TWNK: variants seen among roughly 807,000 people sequenced by gnomAD.
TWNK encodes twinkle mtDNA helicase, also known as T7 gp4-like protein with intramitochondrial nucleoid localization.
A neutral mutation model predicts 58.2 loss-of-function variants in TWNK; 36 were observed. The observed-to-expected ratio is 0.62, with a 90% CI of 0.47 to 0.82. The LOEUF is 0.82. Ranked by LOEUF, TWNK falls within the 40% of genes least tolerant of loss-of-function variation. The pLI is 0.00. For missense variants in TWNK, 714 were observed against 881.0 expected (o/e 0.81, Z 2.40); for synonymous variants, 349 against 348.5 (o/e 1.00, Z -0.02).
In TWNK at chr10:100,993,503, CAA is replaced by C; in HGVS notation, c.2050_2051del (p.Lys684ValfsTer11). On this transcript the variant is annotated frameshift_variant, in exon 5 of 5. Transcript: ENST00000311916. LOFTEE classifies it high-confidence loss of function. ...GACCAGCCAGACACCTCCAAGCGTT[CAA>C]AGTGAAGGCCGTGCAGAGCTGGTCA... 17 of 1,614,124 alleles carry C rather than the reference CAA, an allele frequency of 1.1e-5. No individual in the cohort carries two copies. Among genetic ancestry groups the C allele is most frequent in the Non-Finnish European group, 1.4e-5 (17 of 1,180,024 alleles).
At chr10:100,992,999 G>T (rs1484815828) in intron 4 of TWNK, among the ~76,000 whole-genome samples, 191 bp from the exon 5 acceptor site, 1 of 152,078 alleles carries the variant, frequency 6.6e-6, no homozygotes, top group Non-Finnish European at 1.5e-5. Context: ...TGTTAGCCAG[G>T]ATGGTCTTGA....
rs772625692 is a variant in TWNK, at chr10:100,994,385, A to G, written c.*875A>G. On this transcript the variant is annotated 3_prime_UTR_variant, in exon 5 of 5. Transcript: ENST00000311916. Reference sequence around the variant, plus strand: ...TTATAGAGCCTTTTCCAGTTTTACTAAAAAATTTTTCCATTGCCTTTGTTT... The same window carrying G: ...TTATAGAGCCTTTTCCAGTTTTACTGAAAAATTTTTCCATTGCCTTTGTTT... 1 of 152,166 alleles carries G rather than the reference A, an allele frequency of 6.6e-6. No homozygotes were observed. The highest frequency in any genetic ancestry group is 1.5e-5 in the Non-Finnish European group (1 of 68,024). 9.4% of individuals were successfully genotyped at this position (152,166 alleles called of 1,614,324 possible). A position where few individuals can be genotyped will look rare whatever the true frequency, so the allele number is the denominator to read the frequency against.
chr10:100,989,667 A>T lies in TWNK; in HGVS notation c.1267A>T (p.Thr423Ser), dbSNP rs773355273. Residue 423 changes from threonine (T) to serine (S), a missense_variant, in exon 2 of 5, where the codon ACA (threonine) becomes TCA (serine). Around this residue, in one of 3 missense-constraint regions of TWNK, gnomAD observed 302 missense variants for 438.6 expected, o/e 0.69. Transcript: ENST00000311916. This position sits in a 1 kb window ranked among gnomAD's most constrained non-coding sequence, Gnocchi z 7.6. ...AGGGCCAACAGGCAGTGGAAAGACG[A>T]CATTCATCAGTGAGTATGCCCTGGA... ...FTGPTGSGKTTFISEYALDLC... is the reference protein window; with the variant it reads ...FTGPTGSGKTSFISEYALDLC... The T allele has an allele frequency of 4.3e-6, 7 of 1,614,202 alleles. No individual in the cohort carries two copies. Among genetic ancestry groups the T allele is most frequent in the Non-Finnish European group, 5.9e-6 (7 of 1,180,042 alleles).
At position 100,987,573 on chromosome 10, in the gene TWNK, G is replaced by A; in HGVS notation, c.-638G>A. The stretch of plus-strand genomic sequence containing the variant: ...CGAGGTCAAGGCGAGTAGCATGTGC[G>A]GGAGACTCACGTTGCCGGCGAAGTG... On this transcript the variant is annotated 5_prime_UTR_variant, in exon 1 of 5. Coordinates refer to ENST00000311916, the MANE Select transcript of TWNK (RefSeq NM_021830.5). The A allele has an allele frequency of 7.4e-7, 1 of 1,358,154 alleles. No individual in the cohort carries two copies. The highest frequency in any genetic ancestry group is 1.5e-5 in the South Asian group (1 of 67,890). 84.1% of individuals were successfully genotyped at this position (1,358,154 alleles called of 1,614,324 possible).
Position 100,989,692 on chromosome 10 carries a change from A to C in TWNK, c.1292A>C (p.Asp431Ala). The change falls in exon 2 of 5, where the codon GAT (aspartate) becomes GCT (alanine). Residue 431 changes from aspartate to alanine, a missense_variant. Asp to Ala is a moderately radical substitution (Grantham distance 126). Around this residue, in one of 3 missense-constraint regions of TWNK, gnomAD observed 302 missense variants for 438.6 expected, o/e 0.69. Coordinates refer to ENST00000311916, the MANE Select transcript of TWNK (RefSeq NM_021830.5). This position sits in a 1 kb window ranked among gnomAD's most constrained non-coding sequence, Gnocchi z 7.6. Reference protein sequence around the residue: ...KTTFISEYALDLCSQGVNTLW... With the variant: ...KTTFISEYALALCSQGVNTLW... ...ACATTCATCAGTGAGTATGCCCTGG[A>C]TTTGTGTTCCCAGGGGGTGAACACA... The C allele has an allele frequency of 6.2e-7, 1 of 1,614,166 alleles. No individual in the cohort carries two copies. The highest frequency in any genetic ancestry group is 1.1e-5 in the South Asian group (1 of 91,084).
chr10:100,993,936 T>G lies in TWNK; in HGVS notation c.*426T>G. ...GCATGTGAGCTGGGGCCTAAACAAC[T>G]AGAAGGAGAGAGCCACGTGAACATC... On this transcript the variant is annotated 3_prime_UTR_variant, in exon 5 of 5. Coordinates refer to ENST00000311916, the MANE Select transcript of TWNK (RefSeq NM_021830.5). 1 of 188,568 alleles carries G rather than the reference T, an allele frequency of 5.3e-6. No homozygotes were observed. The highest frequency in any genetic ancestry group is 1.1e-5 in the Non-Finnish European group (1 of 89,018). The allele number at this position is 188,568 out of a possible 1,614,324, so 11.7% of individuals were successfully genotyped here. A position where few individuals can be genotyped will look rare whatever the true frequency, so the allele number is the denominator to read the frequency against.
Position 100,988,406 on chromosome 10 carries a change from G to A in TWNK, c.196G>A (p.Gly66Arg), listed in dbSNP as rs778728809. The A allele has an allele frequency of 5.0e-6, 8 of 1,614,144 alleles. No homozygotes were observed. The highest frequency in any genetic ancestry group is 1.6e-4 in the Middle Eastern group (1 of 6,084). Residue 66 changes from glycine (G) to arginine (R), a missense_variant, in exon 1 of 5, where the codon GGG (glycine) becomes AGG (arginine). Transcript: ENST00000311916. This position sits in a 1 kb window ranked among gnomAD's most constrained non-coding sequence, Gnocchi z 5.2. ...AACTGAAATCCGCCAGTATTTGCGG[G>A]GGCATGGGATCCCCTTCCAGGATGG... The part of the protein sequence containing the change: ...TATEIRQYLR[G>R]HGIPFQDGHS...
In TWNK at chr10:100,988,720, G is replaced by C. The variant is rs1232016292; in HGVS notation, c.510G>C (p.Gln170His). The change falls in exon 1 of 5, where the codon CAG (glutamine) becomes CAC (histidine). Residue 170 changes from glutamine (Q) to histidine (H), a missense_variant. By Grantham distance (24) the Gln-to-His change is conservative. Coordinates refer to ENST00000311916, the MANE Select transcript of TWNK (RefSeq NM_021830.5). The surrounding 1 kb of genome is among the most constrained non-coding windows in gnomAD (Gnocchi z 5.2). ...TACCTCTCTGGGAGCTGCCTGATCA[G>C]GAGGAGGTTCAGCTGGCTGATACAA... ...RAIPLWELPD[Q>H]EEVQLADTMF... 6.2e-7 allele frequency: 1 copy of C among 1,614,202 alleles called. No individual in the cohort carries two copies. The highest frequency in any genetic ancestry group is 1.1e-5 in the South Asian group (1 of 91,090).
intron 2 of TWNK, 47 bp from the exon 3 acceptor site, chr10:100,990,389 G>T (rs1264998959): frequency 2.2e-6 from 3 of 1,361,798 alleles, no homozygotes; most frequent in East Asian, 2.3e-5. Flanking sequence ...TCTGCCTGGG[G>T]TGGTCTAGAG....
rs764798608 is a variant in TWNK at position 100,993,207 on chromosome 10, C to T, written c.1752C>T (p.Asp584=). Residue 584 remains aspartate, a synonymous_variant, in exon 5 of 5, where the codon GAC becomes GAT. Coordinates refer to ENST00000311916, the MANE Select transcript of TWNK (RefSeq NM_021830.5). ...FGSAKASQEA[D]NVLILQDRKL... ...TTCCCCAGGCAAGCCAGGAAGCAGA[C>T]AATGTTCTGATCCTGCAGGACAGGA... 5 of 1,614,162 alleles carry T rather than the reference C, an allele frequency of 3.1e-6. No homozygotes were observed. The highest frequency in any genetic ancestry group is 4.2e-6 in the Non-Finnish European group (5 of 1,180,036).
intron 4 of TWNK, among the ~76,000 whole-genome samples, chr10:100,992,918 C>T (rs1176434551): frequency 1.3e-5 from 2 of 152,198 alleles, no homozygotes; most frequent in African/African-American, 4.8e-5. Context: ...TCCCAAGAAG[C>T]TGGGACTATA....
chr10:100,988,641 A>C lies in TWNK; in HGVS notation c.431A>C (p.Lys144Thr). The C allele has an allele frequency of 6.2e-7, 1 of 1,614,002 alleles. No individual in the cohort carries two copies. Among genetic ancestry groups the C allele is most frequent in the Non-Finnish European group, 8.5e-7 (1 of 1,180,018 alleles). ...DGAREGFLLS[K>T]APEFEDSEEV... is the part of the protein sequence containing the mutation. ...GCCAGGGAGGGGTTTCTGCTTAGCA[A>C]GGCACCAGAATTTGAGGACAGCGAG... The change falls in exon 1 of 5, where the codon AAG (lysine) becomes ACG (threonine). Residue 144 changes from lysine to threonine, a missense_variant. Lys to Thr is a moderately conservative substitution (Grantham distance 78). This residue lies in a region of TWNK where 348 missense variants were observed against 388.4 expected (regional missense o/e 0.90). Transcript: ENST00000311916. This position sits in a 1 kb window ranked among gnomAD's most constrained non-coding sequence, Gnocchi z 5.2.
intron 4 of TWNK, chr10:100,991,267 A>G (rs1851765371): frequency 1.8e-6 from 1 of 562,524 alleles, no homozygotes; most frequent in Non-Finnish European, 3.2e-6. Flanking sequence ...ATTCAGTATG[A>G]TAAGAGTATG....
rs758026634 is a variant in TWNK at position 100,989,280 on chromosome 10, G to A, written c.1070G>A (p.Arg357His). The A allele has an allele frequency of 8.1e-6, 13 of 1,613,972 alleles. No homozygotes were observed. The African/African-American group carries it at 9.3e-5, about 12-fold the overall frequency. ...GGCTTCAATCTTTCTCGTATTCTTC[G>A]TACCGCCCTGCCTGCCTGGCACAAG... The part of the protein sequence containing the change: ...NGGFNLSRIL[R>H]TALPAWHKSI... The change falls in exon 1 of 5, where the codon CGT (arginine) becomes CAT (histidine). Residue 357 changes from arginine to histidine, a missense_variant. By Grantham distance (29) the Arg-to-His change is conservative (BLOSUM62 0). Coordinates refer to ENST00000311916, the MANE Select transcript of TWNK (RefSeq NM_021830.5). This position sits in a 1 kb window ranked among gnomAD's most constrained non-coding sequence, Gnocchi z 7.6.
Position 100,988,709 on chromosome 10 carries a change from C to G in TWNK, c.499C>G (p.Leu167Val), listed in dbSNP as rs765058338. 6 of 1,614,040 alleles carry G rather than the reference C, an allele frequency of 3.7e-6. No individual in the cohort carries two copies. Among genetic ancestry groups the G allele is most frequent in the Non-Finnish European group, 5.1e-6 (6 of 1,180,034 alleles). The change falls in exon 1 of 5, where the codon CTG (leucine) becomes GTG (valine). Residue 167 changes from leucine (L) to valine (V), a missense_variant. Leu to Val is a conservative substitution (Grantham distance 32, BLOSUM62 1). This residue lies in a region of TWNK where 348 missense variants were observed against 388.4 expected (regional missense o/e 0.90). Coordinates refer to ENST00000311916, the MANE Select transcript of TWNK (RefSeq NM_021830.5). The surrounding 1 kb of genome is among the most constrained non-coding windows in gnomAD (Gnocchi z 5.2). ...IWNRAIPLWE[L>V]PDQEEVQLAD... ...GAACCGAGCAATACCTCTCTGGGAG[C>G]TGCCTGATCAGGAGGAGGTTCAGCT...
At position 100,988,319 on chromosome 10, in the gene TWNK, C is replaced by G; in HGVS notation, c.109C>G (p.Arg37Gly). 6.2e-7 allele frequency: 1 copy of G among 1,614,226 alleles called. No individual in the cohort carries two copies. The highest frequency in any genetic ancestry group is 8.5e-7 in the Non-Finnish European group (1 of 1,180,044). Reference sequence around the variant, plus strand: ...CCGAAACTTGGCCCCAGGCCCTCCTCGCAGACGTTACAGGAAGGAGACTCT... The same window carrying G: ...CCGAAACTTGGCCCCAGGCCCTCCTGGCAGACGTTACAGGAAGGAGACTCT... ...LPRNLAPGPP[R>G]RRYRKETLQA... Residue 37 changes from arginine (R) to glycine (G), a missense_variant, in exon 1 of 5, where the codon CGC becomes GGC. This residue lies in a region of TWNK where 348 missense variants were observed against 388.4 expected (regional missense o/e 0.90). Transcript: ENST00000311916. The surrounding 1 kb of genome is among the most constrained non-coding windows in gnomAD (Gnocchi z 5.2).
Position 100,993,214 on chromosome 10 carries a change from C to G in TWNK, c.1759C>G (p.Leu587Val). The change falls in exon 5 of 5, where the codon CTG (leucine) becomes GTG (valine). Residue 587 changes from leucine to valine, a missense_variant. By Grantham distance (32) the Leu-to-Val change is conservative. Transcript: ENST00000311916. ...AKASQEADNV[L>V]ILQDRKLVTG... ...GGCAAGCCAGGAAGCAGACAATGTT[C>G]TGATCCTGCAGGACAGGAAGCTGGT... is the stretch of plus-strand genomic sequence containing the variant. The G allele has an allele frequency of 6.2e-7, 1 of 1,614,208 alleles. No individual in the cohort carries two copies. The highest frequency in any genetic ancestry group is 8.5e-7 in the Non-Finnish European group (1 of 1,180,046).
chr10:100,987,818 A>G lies in TWNK; in HGVS notation c.-393A>G, dbSNP rs994064182. The G allele has an allele frequency of 2.9e-5, 17 of 587,898 alleles. No individual in the cohort carries two copies. The highest frequency in any genetic ancestry group is 5.1e-5 in the Non-Finnish European group (17 of 332,774). The allele number at this position is 587,898 out of a possible 1,614,324, so 36.4% of individuals were successfully genotyped here. The stretch of plus-strand genomic sequence containing the variant: ...CGGGGCCTAGGGCAAAGGGACTACA[A>G]AAAGGATGCAGATGACTATAGAAAT... On this transcript the variant is annotated 5_prime_UTR_variant, in exon 1 of 5. Transcript: ENST00000311916.
rs1435664441 is a variant in TWNK, at chr10:100,993,439, C to G, written c.1984C>G (p.Gln662Glu). 1.2e-6 allele frequency: 2 copies of G among 1,614,098 alleles called. No homozygotes were observed. The highest frequency in any genetic ancestry group is 1.7e-6 in the Non-Finnish European group (2 of 1,180,052). The change falls in exon 5 of 5, where the codon CAG becomes GAG. Residue 662 changes from glutamine (Q) to glutamate (E), a missense_variant. Gln to Glu is a conservative substitution (Grantham distance 29). Transcript: ENST00000311916. ...PSSGKKGATT[Q>E]NSEICSGQAP... ...TTCTGGCAAAAAGGGGGCTACGACA[C>G]AGAACTCTGAGATTTGCTCAGGCCA... is the stretch of plus-strand genomic sequence containing the variant.
Sources: allele counts gnomAD v4.1 joint callset (sites outside exome capture counted in the v4.1 genomes callset), GRCh38; gene constraint gnomAD v4.1.1; regional missense constraint gnomAD v4.1.1; non-coding constraint Gnocchi (gnomAD v3.1); transcripts MANE v1.5; gene names NCBI Gene and HGNC (gene_info 2026-07-23, HGNC 2026-07-21).